CSMD1: variants seen among roughly 807,000 people sequenced by gnomAD.
The protein encoded by CSMD1 is CUB and sushi domain-containing protein 1.
A neutral mutation model predicts 417.5 loss-of-function variants in CSMD1; 213 were observed. That is an observed-to-expected ratio of 0.51 (90% CI 0.46 to 0.57). The LOEUF is 0.57. Ranked by LOEUF, CSMD1 falls within the 20% of genes least tolerant of loss-of-function variation. CSMD1 has a pLI of 0.00. For missense variants in CSMD1, 6,923 were observed against 4,529.7 expected (o/e 1.53, Z -15.17); for synonymous variants, 2,862 against 1,736.8 (o/e 1.65, Z -16.11).
At chr8:3,013,137 G>A (rs1808529761) in intron 52 of CSMD1, among the ~76,000 whole-genome samples, 1 of 152,174 alleles carries the variant, frequency 6.6e-6, no homozygotes, top group Non-Finnish European at 1.5e-5. Context: ...TTAGCAGCGT[G>A]AGAACAGAAA....
chr8:3,928,465 T>C (rs1809905494), intron 5 of CSMD1, among the ~76,000 whole-genome samples: 2 of 152,196 alleles, frequency 1.3e-5, no homozygotes, highest in African/African-American at 4.8e-5. Flanking sequence ...ATTCAATCTT[T>C]TTGTAGAAAT....
chr8:4,384,261 C>G (rs1276810743), intron 3 of CSMD1, among the ~76,000 whole-genome samples: 1 of 151,356 alleles, frequency 6.6e-6, no homozygotes, highest in Non-Finnish European at 1.5e-5. Context: ...TTTTTTTTGC[C>G]ATTGCCAACA....
rs139420542 is a variant in CSMD1 at position 3,997,210 on chromosome 8, C to T, written c.818+693G>A. Among the ~76,000 whole-genome samples the T allele has an allele frequency of 3.6e-3, 545 of 152,296 alleles. 3 individuals are homozygous for T. Among genetic ancestry groups the T allele is most frequent in the Middle Eastern group, 0.021 (6 of 292 alleles). On this transcript the variant is annotated intron_variant, in intron 5 of 69. Coordinates refer to ENST00000635120, the MANE Select transcript of CSMD1 (RefSeq NM_033225.6). Reference sequence around the variant, plus strand: ...TCAAGATAGAAATTAAGGCCTTAAACATCTATGCTATGTTTTTAAGTCTCT... The same window carrying T: ...TCAAGATAGAAATTAAGGCCTTAAATATCTATGCTATGTTTTTAAGTCTCT...
At chr8:4,566,254 C>CTGGT (rs1320744220) in intron 2 of CSMD1, among the ~76,000 whole-genome samples, 1 of 151,904 alleles carries the variant, frequency 6.6e-6, no homozygotes, top group East Asian at 1.9e-4. Flanking sequence ...CACTAAAACA[C>CTGGT]TGGTACCTGG....
chr8:3,142,689 G>A lies in CSMD1; in HGVS notation c.6032-15C>T, dbSNP rs1818578799. 6.3e-7 allele frequency: 1 copy of A among 1,585,870 alleles called. No individual in the cohort carries two copies. The highest frequency in any genetic ancestry group is 8.7e-7 in the Non-Finnish European group (1 of 1,154,426). On this transcript the variant is annotated splice_polypyrimidine_tract_variant and intron_variant, in intron 40 of 69. Transcript: ENST00000635120. ...AATATGTGCACCTATGGAAAAACAT[G>A]CAAACTTAATGAAAGTTCATATCAA...
chr8:3,993,997 G>A (rs777712215), intron 5 of CSMD1, among the ~76,000 whole-genome samples: 1 of 152,172 alleles, frequency 6.6e-6, no homozygotes, highest in South Asian at 2.1e-4. Flanking sequence ...AACTGCAAGG[G>A]GATGGGCGTG....
At chr8:3,720,977 G>A (rs946696886) in intron 6 of CSMD1, among the ~76,000 whole-genome samples, 8 of 150,122 alleles carry the variant, frequency 5.3e-5, no homozygotes, top group African/African-American at 1.5e-4. Flanking sequence ...CACTACACCC[G>A]GCTAATTTAT....
At chr8:4,048,343 T>C (rs556816257) in intron 3 of CSMD1, among the ~76,000 whole-genome samples, 1 of 152,308 alleles carries the variant, frequency 6.6e-6, no homozygotes, top group African/African-American at 2.4e-5. Flanking sequence ...CAATAACTTA[T>C]TTTAACCATA....
chr8:3,983,542 T>A (rs937467012), intron 5 of CSMD1, among the ~76,000 whole-genome samples: 1 of 152,210 alleles, frequency 6.6e-6, no homozygotes. Context: ...GCCATTTCAG[T>A]GCCGTGGAGA....
At chr8:4,353,473 T>C (rs1021727980) in intron 3 of CSMD1, among the ~76,000 whole-genome samples, 3 of 152,058 alleles carry the variant, frequency 2.0e-5, no homozygotes, top group Admixed American at 6.6e-5. Context: ...AAAAGAATAA[T>C]ACATTCTTTA....
intron 47 of CSMD1, among the ~76,000 whole-genome samples, chr8:3,095,452 T>G (rs1385631782): frequency 6.6e-6 from 1 of 152,162 alleles, no homozygotes; most frequent in Non-Finnish European, 1.5e-5. Flanking sequence ...TATACACATT[T>G]AAAAAGCCAT....
chr8:3,915,077 G>A (rs1808722755), intron 5 of CSMD1, among the ~76,000 whole-genome samples: 1 of 152,050 alleles, frequency 6.6e-6, no homozygotes, highest in Admixed American at 6.6e-5. Context: ...GAATTAATTA[G>A]GGATCGGAAA....
chr8:2,940,165 G>C (rs1801769622), intron 69 of CSMD1, among the ~76,000 whole-genome samples: 1 of 152,160 alleles, frequency 6.6e-6, no homozygotes, highest in Non-Finnish European at 1.5e-5. Flanking sequence ...AGTGCTACAG[G>C]CTTGGTGCTT....
chr8:3,110,902 A>G (rs1816473644), intron 42 of CSMD1, among the ~76,000 whole-genome samples: 1 of 152,246 alleles, frequency 6.6e-6, no homozygotes, highest in East Asian at 1.9e-4. Context: ...CAATGACTTG[A>G]AGAACTAAAA....
intron 5 of CSMD1, among the ~76,000 whole-genome samples, chr8:3,958,943 G>A (rs145849099): frequency 1.3e-5 from 2 of 152,100 alleles, no homozygotes; most frequent in Admixed American, 1.3e-4. Context: ...CATTTTTTGA[G>A]CCCTGACCTT....
chr8:4,047,200 T>C (rs1229062581), intron 3 of CSMD1, among the ~76,000 whole-genome samples: 1 of 152,154 alleles, frequency 6.6e-6, no homozygotes, highest in Non-Finnish European at 1.5e-5. Flanking sequence ...TGCTCTGTAG[T>C]AACTCATGTG....
At chr8:3,818,312 C>G (rs1277910298) in intron 5 of CSMD1, among the ~76,000 whole-genome samples, 6 of 152,158 alleles carry the variant, frequency 3.9e-5, no homozygotes. Flanking sequence ...GAAGAACATA[C>G]ACATGTTCCA....
intron 10 of CSMD1, among the ~76,000 whole-genome samples, chr8:3,514,990 T>C (rs914359035): frequency 6.6e-6 from 1 of 152,180 alleles, no homozygotes; most frequent in African/African-American, 2.4e-5. Context: ...AAAAACAACA[T>C]TTTATACTGA....
chr8:4,206,818 CTT>C (rs1431595789), intron 3 of CSMD1, among the ~76,000 whole-genome samples: 5 of 152,064 alleles, frequency 3.3e-5, no homozygotes, highest in African/African-American at 1.2e-4. Context: ...ATATTTATGA[CTT>C]TTGAGTGATT....
Sources: gnomAD v4.1 joint callset for allele counts (sites outside exome capture counted in the v4.1 genomes callset) on GRCh38, gnomAD v4.1.1 for gene constraint, MANE v1.5 for transcripts, NCBI Gene and HGNC (gene_info 2026-07-23, HGNC 2026-07-21) for gene names.